Variants in ZEB1 observed in about 807,000 individuals in gnomAD.
The protein encoded by ZEB1 is zinc finger E-box-binding homeobox 1.
In ZEB1, 21 loss-of-function variants were observed where a neutral mutation model predicts 84.9. That is an observed-to-expected ratio of 0.25 (90% confidence interval 0.18 to 0.36). The LOEUF (loss-of-function observed/expected upper bound fraction) is 0.36, where lower values mean the gene tolerates loss of function less well. Among genes scored for constraint, ZEB1 ranks in the 10% least tolerant of loss-of-function variants. The pLI is 1.00. For synonymous variants in ZEB1, 420 were observed against 471.1 expected (o/e 0.89, Z 1.41); for missense variants, 1,104 against 1,330.2 (o/e 0.83, Z 2.65).
intron 1 of ZEB1, among the ~76,000 whole-genome samples, chr10:31,438,812 C>T (rs1284124655): frequency 1.3e-5 from 2 of 152,202 alleles, no homozygotes; most frequent in Non-Finnish European, 2.9e-5. Context: ...CCACTGCGCT[C>T]CAGCCTGGGT....
chr10:31,332,457 A>G (rs1453760436), intron 1 of ZEB1, among the ~76,000 whole-genome samples: 1 of 152,156 alleles, frequency 6.6e-6, no homozygotes, highest in Non-Finnish European at 1.5e-5. Context: ...TTACTAGTTA[A>G]TTTTCTAGAT....
chr10:31,362,372 C>A (rs1346780471), intron 1 of ZEB1, among the ~76,000 whole-genome samples: 2 of 128,514 alleles, frequency 1.6e-5, no homozygotes, highest in Non-Finnish European at 1.7e-5. Flanking sequence ...GTAGGGGGGC[C>A]GGGCAGAGGC....
intron 1 of ZEB1, among the ~76,000 whole-genome samples, chr10:31,348,127 T>A (rs181297453): frequency 9.2e-5 from 14 of 152,300 alleles, no homozygotes; most frequent in African/African-American, 3.1e-4. Flanking sequence ...AATATGAGTA[T>A]AATCAAGGAG....
At chr10:31,368,257 C>T (rs962679510) in intron 1 of ZEB1, among the ~76,000 whole-genome samples, 2 of 152,114 alleles carry the variant, frequency 1.3e-5, no homozygotes, top group Admixed American at 1.3e-4. Flanking sequence ...TGGGCTCAAT[C>T]GATCCCCCCA....
At chr10:31,378,619 T>A (rs2047098519) in intron 1 of ZEB1, among the ~76,000 whole-genome samples, 1 of 151,800 alleles carries the variant, frequency 6.6e-6, no homozygotes, top group Non-Finnish European at 1.5e-5. Flanking sequence ...AAAATTCAAT[T>A]AGCGTAAAGA....
chr10:31,368,131 A>G (rs759321015), intron 1 of ZEB1, among the ~76,000 whole-genome samples: 3 of 151,350 alleles, frequency 2.0e-5, no homozygotes, highest in Non-Finnish European at 4.4e-5. Context: ...CATGTAAGCT[A>G]TGCATATCCT....
At chr10:31,460,847 A>G (rs1238566258) in intron 1 of ZEB1, among the ~76,000 whole-genome samples, 190 bp from the exon 2 acceptor site, 2 of 152,132 alleles carry the variant, frequency 1.3e-5, no homozygotes, top group African/African-American at 2.4e-5. Context: ...GGTAGCTACT[A>G]TTTGTCATTT....
At chr10:31,477,683 G>C (rs183074290) in intron 2 of ZEB1, among the ~76,000 whole-genome samples, 1 of 151,928 alleles carries the variant, frequency 6.6e-6, no homozygotes, top group South Asian at 2.1e-4. Context: ...CAGAGGAATA[G>C]AACAAAGAAC....
chr10:31,403,367 C>T (rs2052417062), intron 1 of ZEB1, among the ~76,000 whole-genome samples: 1 of 151,722 alleles, frequency 6.6e-6, no homozygotes, highest in Non-Finnish European at 1.5e-5. Context: ...TTTTCAAATT[C>T]TTACCTGTAT....
At chr10:31,347,325 T>C (rs547252597) in intron 1 of ZEB1, among the ~76,000 whole-genome samples, 1 of 152,298 alleles carries the variant, frequency 6.6e-6, no homozygotes, top group African/African-American at 2.4e-5. Flanking sequence ...TCAGTGAAGA[T>C]CTATGGATTT....
rs1429672731 is a variant in ZEB1 at position 31,370,571 on chromosome 10, A to C, written c.58+51279A>C. ...CTAATAGTATAAAAAGAGAAGTGTA[A>C]AATTTAAGTTAATCATACAACTTTC... On this transcript the variant is annotated intron_variant, in intron 1 of 8. Coordinates refer to ENST00000424869, the MANE Select transcript of ZEB1 (RefSeq NM_001174096.2). Among the ~76,000 whole-genome samples, 7 of 152,296 alleles carry C rather than the reference A, an allele frequency of 4.6e-5. No homozygotes were observed. The East Asian group carries it at 1.2e-3, about 25-fold the overall frequency.
At chr10:31,445,053 A>T in intron 1 of ZEB1, among the ~76,000 whole-genome samples, 1 of 148,116 alleles carries the variant, frequency 6.8e-6, no homozygotes, top group South Asian at 2.1e-4. Flanking sequence ...ATGAGCATGG[A>T]ATGTTCTTCC....
chr10:31,423,156 C>T lies in ZEB1; in HGVS notation c.59-37881C>T, dbSNP rs2056446273. 2.0e-5 allele frequency among the ~76,000 whole-genome samples: 3 copies of T among 151,866 alleles called. No individual in the cohort carries two copies. In the South Asian group the frequency reaches 6.2e-4, roughly 32 times the overall value. On this transcript the variant is annotated intron_variant, in intron 1 of 8. Coordinates refer to ENST00000424869, the MANE Select transcript of ZEB1 (RefSeq NM_001174096.2). ...GCATAGGAGTGTAAAATTAGAAGTG[C>T]TTCATATGGATACAATGCCTACATT...
At position 31,526,872 on chromosome 10, in the gene ZEB1, A is replaced by G. The variant is rs371696203; in HGVS notation, c.2986A>G (p.Ser996Gly). Residue 996 changes from serine (S) to glycine (G), a missense_variant, in exon 9 of 9, where the codon AGC becomes GGC. Ser to Gly is a moderately conservative substitution (Grantham distance 56). Around this residue, in one of 7 missense-constraint regions of ZEB1, gnomAD observed 173 missense variants for 167.0 expected, o/e 1.04. Coordinates refer to ENST00000424869, the MANE Select transcript of ZEB1 (RefSeq NM_001174096.2). Reference protein sequence around the residue: ...YCKREAEERDSTEQEEAGPEI... With the variant: ...YCKREAEERDGTEQEEAGPEI... ...TAAGAGAGAAGCGGAAGAACGTGACAGCACAGAGCAGGAAGAGGCAGGGCC... is the reference window on the plus strand; with the variant it reads ...TAAGAGAGAAGCGGAAGAACGTGACGGCACAGAGCAGGAAGAGGCAGGGCC... 3 of 1,614,084 alleles carry G rather than the reference A, an allele frequency of 1.9e-6. No individual in the cohort carries two copies. In the African/African-American group the frequency reaches 4.0e-5, roughly 22 times the overall value.
chr10:31,450,974 C>G (rs1250699462), intron 1 of ZEB1, among the ~76,000 whole-genome samples: 1 of 151,822 alleles, frequency 6.6e-6, no homozygotes, highest in Non-Finnish European at 1.5e-5. Flanking sequence ...ATGTTGACTT[C>G]CTAGAATTCA....
At chr10:31,429,683 TAAAA>T (rs551407003) in intron 1 of ZEB1, among the ~76,000 whole-genome samples, 1 of 88,448 alleles carries the variant, frequency 1.1e-5, no homozygotes, top group Non-Finnish European at 2.3e-5. Flanking sequence ...ATTTAAAAGT[TAAAA>T]AAAAAAAAAA....
At chr10:31,423,660 A>C (rs991718285) in intron 1 of ZEB1, among the ~76,000 whole-genome samples, 1 of 152,142 alleles carries the variant, frequency 6.6e-6, no homozygotes, top group African/African-American at 2.4e-5. Flanking sequence ...CTCTTGAGTT[A>C]TCTATAAGCG....
Position 31,521,324 on chromosome 10 carries a change from A to G in ZEB1, c.1992A>G (p.Gln664=). ...NIPAKNNDQP[Q]SANANEPQDS... ...CTGCCAAGAACAATGATCAGCCTCA[A>G]TCTGCAAATGCAAATGAACCCCAGG... Residue 664 remains glutamine, a synonymous_variant, in exon 7 of 9, where the codon CAA becomes CAG. Coordinates refer to ENST00000424869, the MANE Select transcript of ZEB1 (RefSeq NM_001174096.2). The G allele has an allele frequency of 6.2e-7, 1 of 1,614,094 alleles. No homozygotes were observed. Among genetic ancestry groups the G allele is most frequent in the Non-Finnish European group, 8.5e-7 (1 of 1,180,012 alleles).
At chr10:31,348,804 C>A (rs1362551149) in intron 1 of ZEB1, among the ~76,000 whole-genome samples, 2 of 151,982 alleles carry the variant, frequency 1.3e-5, no homozygotes, top group African/African-American at 4.8e-5. Flanking sequence ...TTTTCATTAT[C>A]TTCTGTTATT....
Sources: gnomAD v4.1 joint callset for allele counts (sites outside exome capture counted in the v4.1 genomes callset) on GRCh38, gnomAD v4.1.1 for gene constraint, gnomAD v4.1.1 regional missense constraint, MANE v1.5 for transcripts, NCBI Gene and HGNC (gene_info 2026-07-23, HGNC 2026-07-21) for gene names.